The following TMEM39A variants were observed in gnomAD, a reference collection of about 807,000 sequenced individuals.
The protein encoded by TMEM39A is transmembrane protein 39A.
In TMEM39A, 19 loss-of-function variants were observed where a neutral mutation model predicts 51.9. The observed-to-expected ratio is 0.37, with a 90% CI of 0.26 to 0.54. The LOEUF is 0.54. Among genes scored for constraint, TMEM39A ranks in the 20% least tolerant of loss-of-function variants. TMEM39A has a pLI of 0.88. For missense variants in TMEM39A, 433 were observed against 590.5 expected, an observed-to-expected ratio of 0.73 and a Z score of 2.76; for synonymous variants, 197 against 220.2, an observed-to-expected ratio of 0.89 and a Z score of 0.93.
At chr3:119,436,560 A>G (rs1412649462) in intron 7 of TMEM39A, 3 of 455,106 alleles carry the variant, frequency 6.6e-6, no homozygotes, top group East Asian at 7.2e-5. Flanking sequence ...AATTACACAC[A>G]CTAGAGTGAC....
rs1470697377 is a variant in TMEM39A, at chr3:119,430,497, T to C, written c.*1484A>G. The C allele has an allele frequency of 6.6e-6, 1 of 152,246 alleles. No individual in the cohort carries two copies. Among genetic ancestry groups the C allele is most frequent in the South Asian group, 2.1e-4 (1 of 4,830 alleles). The allele number at this position is 152,246 out of a possible 1,614,324, so 9.4% of individuals were successfully genotyped here. A position where few individuals can be genotyped will look rare whatever the true frequency, so the allele number is the denominator to read the frequency against. Reference sequence around the variant, plus strand: ...TGTAAGCTCTGTGCAAGTAGGACCTTTGCATTTCTCATTCACTGCTATATC... The same window carrying C: ...TGTAAGCTCTGTGCAAGTAGGACCTCTGCATTTCTCATTCACTGCTATATC... On this transcript the variant is annotated 3_prime_UTR_variant, in exon 9 of 9. Coordinates refer to ENST00000319172, the MANE Select transcript of TMEM39A (RefSeq NM_018266.3).
intron 6 of TMEM39A, among the ~76,000 whole-genome samples, chr3:119,437,537 A>G (rs1276984816): frequency 1.3e-5 from 2 of 151,610 alleles, no homozygotes; most frequent in Non-Finnish European, 2.9e-5. Flanking sequence ...AAAAAAAAAA[A>G]AAAGAAAAAA....
At chr3:119,452,318 G>T in intron 4 of TMEM39A, 129 bp downstream of exon 4, 3 of 580,742 alleles carry the variant, frequency 5.2e-6, no homozygotes, top group Non-Finnish European at 3.0e-6. Flanking sequence ...TAAAGTACTG[G>T]CAGAACTCAC....
intron 5 of TMEM39A, among the ~76,000 whole-genome samples, chr3:119,438,393 T>C (rs189248829): frequency 2.2e-4 from 34 of 152,344 alleles, no homozygotes; most frequent in Non-Finnish European, 4.3e-4. Context: ...TAGATGCACA[T>C]ATTTCCAATA....
At chr3:119,460,532 A>C (rs2081323128) in intron 2 of TMEM39A, among the ~76,000 whole-genome samples, 1 of 152,188 alleles carries the variant, frequency 6.6e-6, no homozygotes, top group Admixed American at 6.5e-5. Context: ...GTCTAATTAA[A>C]AGAAGACGAG....
At chr3:119,457,937 A>G (rs1361299701) in intron 3 of TMEM39A, 81 bp downstream of exon 3, 6 of 1,078,916 alleles carry the variant, frequency 5.6e-6, no homozygotes, top group African/African-American at 1.6e-5. Context: ...ATTATTAAGA[A>G]AAACAATTTC....
chr3:119,462,590 A>T (rs958836812), intron 1 of TMEM39A, among the ~76,000 whole-genome samples: 2 of 118,862 alleles, frequency 1.7e-5, no homozygotes, highest in African/African-American at 6.6e-5. Flanking sequence ...CCTTATCCGG[A>T]TAAGTTAACT....
intron 2 of TMEM39A, among the ~76,000 whole-genome samples, chr3:119,461,478 G>A (rs1387310640): frequency 1.3e-5 from 2 of 152,184 alleles, no homozygotes; most frequent in African/African-American, 2.4e-5. Flanking sequence ...TACTTCATTA[G>A]GTAAAAGTAT....
At chr3:119,449,916 A>G (rs551710922) in intron 4 of TMEM39A, among the ~76,000 whole-genome samples, 4 of 152,336 alleles carry the variant, frequency 2.6e-5, no homozygotes, top group Admixed American at 6.5e-5. Flanking sequence ...CTCTCTGAAT[A>G]GCATTTCCGT....
At chr3:119,455,033 G>A (rs2081246845) in intron 3 of TMEM39A, among the ~76,000 whole-genome samples, 1 of 152,062 alleles carries the variant, frequency 6.6e-6, no homozygotes, top group Non-Finnish European at 1.5e-5. Flanking sequence ...CACATATTCA[G>A]GTGTCCACAT....
In TMEM39A at chr3:119,463,496, C is replaced by T; in HGVS notation, c.-235G>A. On this transcript the variant is annotated 5_prime_UTR_variant, in exon 1 of 9. Transcript: ENST00000319172. ...GCCTAGAGAATCAAGAAAAGGTGTC[C>T]AGGCTTCGGGCTGCCAGACTCAGAC... 5.0e-6 allele frequency: 2 copies of T among 398,668 alleles called. No homozygotes were observed. The highest frequency in any genetic ancestry group is 8.8e-6 in the Non-Finnish European group (2 of 226,138). 24.7% of individuals were successfully genotyped at this position (398,668 alleles called of 1,614,324 possible).
intron 1 of TMEM39A, among the ~76,000 whole-genome samples, chr3:119,462,906 A>AAGC: frequency 6.6e-6 from 1 of 151,722 alleles, no homozygotes; most frequent in East Asian, 1.9e-4. Context: ...AAAAAAAAAA[A>AAGC]AGCTCTTTTC....
At chr3:119,457,225 C>CT (rs2081277548) in intron 3 of TMEM39A, among the ~76,000 whole-genome samples, 1 of 152,170 alleles carries the variant, frequency 6.6e-6, no homozygotes, top group Admixed American at 6.5e-5. Context: ...CCGCATTAGC[C>CT]TCCCAAAGTG....
chr3:119,440,068 A>C (rs1002231831), intron 5 of TMEM39A, among the ~76,000 whole-genome samples: 2 of 152,188 alleles, frequency 1.3e-5, no homozygotes, highest in Non-Finnish European at 2.9e-5. Context: ...GCACCCAGAC[A>C]GAGAAGAAGT....
chr3:119,438,673 C>T (rs147474911), intron 5 of TMEM39A, among the ~76,000 whole-genome samples: 1 of 152,256 alleles, frequency 6.6e-6, no homozygotes, highest in African/African-American at 2.4e-5. Flanking sequence ...TTATTTTCCA[C>T]TACTATAAAT....
chr3:119,457,737 T>G (rs1301390254), intron 3 of TMEM39A, among the ~76,000 whole-genome samples: 2 of 152,204 alleles, frequency 1.3e-5, no homozygotes, highest in African/African-American at 4.8e-5. Flanking sequence ...AAATTTAAAA[T>G]GGTGTAGAGA....
intron 3 of TMEM39A, among the ~76,000 whole-genome samples, chr3:119,456,009 T>C (rs961026343): frequency 3.3e-5 from 5 of 152,170 alleles, no homozygotes; most frequent in African/African-American, 4.8e-5. Flanking sequence ...TAATGGTACC[T>C]ACCCATTTTG....
intron 5 of TMEM39A, among the ~76,000 whole-genome samples, chr3:119,445,521 TC>T (rs2107673245): frequency 6.6e-6 from 1 of 152,308 alleles, no homozygotes; most frequent in East Asian, 1.9e-4. Flanking sequence ...CACCTCGGCC[TC>T]CCAAAGTGCT....
chr3:119,442,845 A>G (rs1304564395), intron 5 of TMEM39A, among the ~76,000 whole-genome samples: 1 of 152,150 alleles, frequency 6.6e-6, no homozygotes, highest in Non-Finnish European at 1.5e-5. Context: ...GGATCACTTG[A>G]GCCTAGGAGT....
Sources: allele counts gnomAD v4.1 joint callset (sites outside exome capture counted in the v4.1 genomes callset), GRCh38; gene constraint gnomAD v4.1.1; transcripts MANE v1.5; gene names NCBI Gene and HGNC (gene_info 2026-07-23, HGNC 2026-07-21).